The following PAQR3 variants were observed in gnomAD, a reference collection of about 807,000 sequenced individuals.
PAQR3 encodes progestin and adipoQ receptor family member 3.
Under a neutral mutation model 41.7 loss-of-function variants are expected in PAQR3, and 39 were observed. The observed-to-expected ratio is 0.93, with a 90% CI of 0.72 to 1.22. PAQR3 has a LOEUF of 1.22. PAQR3 is among the 50% of genes most tolerant of loss of function. The pLI is 0.00. For missense variants in PAQR3, 366 were observed against 385.6 expected, an observed-to-expected ratio of 0.95 and a Z score of 0.42; for synonymous variants, 140 against 140.6, an observed-to-expected ratio of 1.00 and a Z score of 0.03.
rs1735242075 is a variant in PAQR3 at position 78,917,917 on chromosome 4, G to A, written c.*2622C>T. 1.0e-6 allele frequency: 1 copy of A among 983,712 alleles called. No individual in the cohort carries two copies. 60.9% of individuals were successfully genotyped at this position (983,712 alleles called of 1,614,324 possible). A position where few individuals can be genotyped will look rare whatever the true frequency, so the allele number is the denominator to read the frequency against. On this transcript the variant is annotated 3_prime_UTR_variant, in exon 6 of 6. Transcript: ENST00000512733. ...TTTTAAAGCTGTTATGTATTACAAA[G>A]AATGACAAGCAGCAGTTAAAAATAT...
chr4:78,909,851 A>T (rs1370264685), downstream of PAQR3, among the ~76,000 whole-genome samples: 11 of 152,230 alleles, frequency 7.2e-5, no homozygotes. Flanking sequence ...TAATCAGTGT[A>T]TAGCAAAGTG....
intron 4 of PAQR3, among the ~76,000 whole-genome samples, chr4:78,925,690 C>A (rs1252133029): frequency 6.6e-6 from 1 of 152,140 alleles, no homozygotes; most frequent in African/African-American, 2.4e-5. Context: ...GTCACACATT[C>A]TAGACAAAGG....
Position 78,891,162 on chromosome 4 carries a change from G to A in PAQR3, c.*837-3014C>T, listed in dbSNP as rs377178427. On this transcript the variant is annotated intron_variant and NMD_transcript_variant, in intron 11 of 12. Coordinates refer to the PAQR3 transcript ENST00000342820. ...ATAATTTTCCCTGTGAGTTTTAAGAGGCACTGCTTCATAGTATTTTAGCTT... is the reference window on the plus strand; with the variant it reads ...ATAATTTTCCCTGTGAGTTTTAAGAAGCACTGCTTCATAGTATTTTAGCTT... Among the ~76,000 whole-genome samples, 11 of 152,252 alleles carry A rather than the reference G, an allele frequency of 7.2e-5. No homozygotes were observed. In the East Asian group the frequency reaches 1.7e-3, roughly 24 times the overall value.
In PAQR3 at chr4:78,891,098, G is replaced by A. The variant is rs957703322; in HGVS notation, c.*837-2950C>T. Among the ~76,000 whole-genome samples the A allele has an allele frequency of 3.3e-5, 5 of 152,256 alleles. No homozygotes were observed. The South Asian group carries it at 1.0e-3, about 32-fold the overall frequency. The stretch of plus-strand genomic sequence containing the variant: ...TTGTATTTTCCCTAAACTGATACCT[G>A]ATTGATAATTTGGCAGGGCAAATAA... On this transcript the variant is annotated intron_variant and NMD_transcript_variant, in intron 11 of 12. Coordinates refer to the PAQR3 transcript ENST00000342820.
chr4:78,913,761 T>C lies in PAQR3; in HGVS notation c.*6778A>G, dbSNP rs1577993409. 1.3e-5 allele frequency: 2 copies of C among 152,292 alleles called. No homozygotes were observed. The highest frequency in any genetic ancestry group is 4.1e-4 in the South Asian group (2 of 4,830). 9.4% of individuals were successfully genotyped at this position (152,292 alleles called of 1,614,324 possible). A position where few individuals can be genotyped will look rare whatever the true frequency, so the allele number is the denominator to read the frequency against. On this transcript the variant is annotated 3_prime_UTR_variant, in exon 6 of 6. Coordinates refer to ENST00000512733, the MANE Select transcript of PAQR3 (RefSeq NM_001040202.2). Reference sequence around the variant, plus strand: ...TTGCTTTTTCCCTTCTTTTATATGCTAAATCAAATATAGATTTGTGGATAG... The same window carrying C: ...TTGCTTTTTCCCTTCTTTTATATGCCAAATCAAATATAGATTTGTGGATAG...
chr4:78,919,453 G>A lies in PAQR3; in HGVS notation c.*1086C>T, dbSNP rs927573689. 37 of 984,636 alleles carry A rather than the reference G, an allele frequency of 3.8e-5. No homozygotes were observed. In the East Asian group the frequency reaches 3.2e-3, roughly 85 times the overall value. 61.0% of individuals were successfully genotyped at this position (984,636 alleles called of 1,614,324 possible). A position where few individuals can be genotyped will look rare whatever the true frequency, so the allele number is the denominator to read the frequency against. On this transcript the variant is annotated 3_prime_UTR_variant, in exon 6 of 6. Transcript: ENST00000512733. Reference sequence around the variant, plus strand: ...ATAAAAAGAAAGTTTAATGCTTCAGGCCCAAATATTAAGTGTTTATCAAGA... The same window carrying A: ...ATAAAAAGAAAGTTTAATGCTTCAGACCCAAATATTAAGTGTTTATCAAGA...
In PAQR3 at chr4:78,919,289, T is replaced by C. The variant is rs901753510; in HGVS notation, c.*1250A>G. 2.0e-6 allele frequency: 2 copies of C among 984,366 alleles called. No homozygotes were observed. The allele number at this position is 984,366 out of a possible 1,614,324, so 61.0% of individuals were successfully genotyped here. A position where few individuals can be genotyped will look rare whatever the true frequency, so the allele number is the denominator to read the frequency against. On this transcript the variant is annotated 3_prime_UTR_variant, in exon 6 of 6. Transcript: ENST00000512733. ...TCAACTCATGAAGAAACTTGGGTAA[T>C]ATTTTATACTCCAATAAACAATGTA...
At chr4:78,930,962 CT>C (rs977926533) in intron 2 of PAQR3, among the ~76,000 whole-genome samples, 1 of 151,498 alleles carries the variant, frequency 6.6e-6, no homozygotes, top group African/African-American at 2.4e-5. Flanking sequence ...CCACAATTGG[CT>C]TTTTTTCAGT....
chr4:78,923,398 T>C (rs1331171207), intron 5 of PAQR3: 1 of 202,896 alleles, frequency 4.9e-6, no homozygotes, highest in Non-Finnish European at 1.0e-5. Flanking sequence ...TTGTTACATA[T>C]GTATACAAGT....
chr4:78,921,707 G>A (rs1735678657), intron 5 of PAQR3: 1 of 985,096 alleles, frequency 1.0e-6, no homozygotes, highest in African/African-American at 1.7e-5. Context: ...TGAGCTGAAT[G>A]AAAGCTTTTA....
rs1735289324 is a variant in PAQR3 at position 78,918,262 on chromosome 4, A to G, written c.*2277T>C. ...AATCTTACTTTAATCTATAAAAACA[A>G]AAATAACTTAAATATACATCATTAC... On this transcript the variant is annotated 3_prime_UTR_variant, in exon 6 of 6. Coordinates refer to ENST00000512733, the MANE Select transcript of PAQR3 (RefSeq NM_001040202.2). The G allele has an allele frequency of 1.1e-6, 1 of 934,330 alleles. No homozygotes were observed. The highest frequency in any genetic ancestry group is 1.8e-5 in the African/African-American group (1 of 55,508). 57.9% of individuals were successfully genotyped at this position (934,330 alleles called of 1,614,324 possible).
At chr4:78,887,172 A>C (rs1322215107) in exon 13 of PAQR3, 1 of 1,576,922 alleles carries the variant, frequency 6.3e-7, no homozygotes, top group African/African-American at 1.4e-5. Flanking sequence ...TTATTTTTGC[A>C]GATAGGCTCG....
intron 11 of PAQR3, among the ~76,000 whole-genome samples, chr4:78,896,178 C>T (rs1004689740): frequency 6.6e-6 from 1 of 152,158 alleles, no homozygotes; most frequent in Non-Finnish European, 1.5e-5. Flanking sequence ...ATTTTTCTCA[C>T]AACTAATAAT....
chr4:78,903,780 G>A (rs747763903), intron 11 of PAQR3, among the ~76,000 whole-genome samples: 8 of 151,832 alleles, frequency 5.3e-5, no homozygotes, highest in Non-Finnish European at 1.2e-4. Flanking sequence ...TTTTGGGCAT[G>A]GTTTTTTAGT....
rs75329797 is a variant in PAQR3 at position 78,933,308 on chromosome 4, T to C, written c.348+1813A>G. 59 of 455,790 alleles carry C rather than the reference T, an allele frequency of 1.3e-4. No homozygotes were observed. The East Asian group carries it at 3.9e-3, about 30-fold the overall frequency. 28.2% of individuals were successfully genotyped at this position (455,790 alleles called of 1,614,324 possible). On this transcript the variant is annotated intron_variant, in intron 2 of 5. Coordinates refer to ENST00000512733, the MANE Select transcript of PAQR3 (RefSeq NM_001040202.2). Reference sequence around the variant, plus strand: ...GGATCAAATCAAGGCATTATTGTATTCTAACATTCTTCTCCAAAATACAAA... The same window carrying C: ...GGATCAAATCAAGGCATTATTGTATCCTAACATTCTTCTCCAAAATACAAA...
rs1219237337 is a variant in PAQR3 at position 78,920,008 on chromosome 4, A to G, written c.*531T>C. 1.0e-6 allele frequency: 1 copy of G among 985,228 alleles called. No homozygotes were observed. The highest frequency in any genetic ancestry group is 1.2e-6 in the Non-Finnish European group (1 of 829,570). 61.0% of individuals were successfully genotyped at this position (985,228 alleles called of 1,614,324 possible). ...AGAGAAGAACCTATAGCTAAAGGAT[A>G]TAATATCTGAAGTGCCAGTTTCTCA... On this transcript the variant is annotated 3_prime_UTR_variant, in exon 6 of 6. Transcript: ENST00000512733.
chr4:78,930,191 A>G lies in PAQR3; in HGVS notation c.483T>C (p.Phe161=), dbSNP rs757088167. ...GILGCYVSGV[F]YAFYCNNYWR... is the part of the protein sequence containing the mutation. ...TTACGTTATTACAATAAAATGCGTA[A>G]AATACTCCTGAGACATAGCAGCCCA... is the stretch of plus-strand genomic sequence containing the variant. Residue 161 remains phenylalanine, a synonymous_variant, in exon 3 of 6, where the codon TTT becomes TTC. Transcript: ENST00000512733. The G allele has an allele frequency of 2.5e-6, 4 of 1,611,336 alleles. No individual in the cohort carries two copies. Among genetic ancestry groups the G allele is most frequent in the Middle Eastern group, 1.7e-4 (1 of 6,050 alleles).
chr4:78,923,756 A>G (rs939183321), intron 5 of PAQR3, 101 bp downstream of exon 5: 2 of 782,276 alleles, frequency 2.6e-6, no homozygotes, highest in African/African-American at 1.8e-5. Flanking sequence ...TCCATAATCA[A>G]TAATATTAAA....
rs1735566124 is a variant in PAQR3 at position 78,920,624 on chromosome 4, A to T, written c.851T>A (p.Met284Lys). 1 of 1,611,656 alleles carries T rather than the reference A, an allele frequency of 6.2e-7. No homozygotes were observed. Among genetic ancestry groups the T allele is most frequent in the Non-Finnish European group, 8.5e-7 (1 of 1,178,500 alleles). Residue 284 changes from methionine to lysine, a missense_variant, in exon 6 of 6, where the codon ATG becomes AAG. Coordinates refer to ENST00000512733, the MANE Select transcript of PAQR3 (RefSeq NM_001040202.2). ...TGTTGACTGATGCCACCAATATAAC[A>T]TCACTACTGCAAGGATATGCCATAT... is the stretch of plus-strand genomic sequence containing the variant. ...HQIWHILAVV[M>K]LYWWHQSTVY...
Sources: gnomAD v4.1 joint callset for allele counts (sites outside exome capture counted in the v4.1 genomes callset) on GRCh38, gnomAD v4.1.1 for gene constraint, MANE v1.5 for transcripts, NCBI Gene and HGNC (gene_info 2026-07-23, HGNC 2026-07-21) for gene names.